Variants in UNC79 observed in about 807,000 individuals in gnomAD.
UNC79 encodes protein unc-79 homolog.
Under a neutral mutation model 283.1 loss-of-function variants are expected in UNC79, and 37 were observed. The ratio of observed to expected loss-of-function variants is 0.13; its 90% confidence interval spans 0.10 to 0.17. The LOEUF (loss-of-function observed/expected upper bound fraction) is 0.17. Ranked by LOEUF, UNC79 falls within the 10% of genes least tolerant of loss-of-function variation. UNC79 has a pLI of 1.00. For synonymous variants in UNC79, 1,107 were observed against 1,200.2 expected (o/e 0.92, Z 1.61); for missense variants, 2,272 against 3,211.1 (o/e 0.71, Z 7.07).
chr14:93,639,158 A>C (rs1231050518), intron 32 of UNC79, among the ~76,000 whole-genome samples: 1 of 152,218 alleles, frequency 6.6e-6, no homozygotes, highest in Non-Finnish European at 1.5e-5. Flanking sequence ...GTAATTGGCA[A>C]TAATCTTCTG....
At chr14:93,360,539 C>CT (rs2054199476) in intron 1 of UNC79, among the ~76,000 whole-genome samples, 1 of 152,248 alleles carries the variant, frequency 6.6e-6, no homozygotes, top group Non-Finnish European at 1.5e-5. Flanking sequence ...CAGCCATTGA[C>CT]TTGGCAAATG....
At chr14:93,413,241 C>T (rs56075725) in intron 1 of UNC79, among the ~76,000 whole-genome samples, 1,999 of 146,334 alleles carry the variant, frequency 0.014, 49 homozygotes, top group African/African-American at 0.047. Context: ...GTGTTCTCAT[C>T]GTTCAATTCC....
At chr14:93,534,925 C>T (rs757135706) in intron 11 of UNC79, among the ~76,000 whole-genome samples, 1 of 152,144 alleles carries the variant, frequency 6.6e-6, no homozygotes, top group Admixed American at 6.5e-5. Context: ...GGAGAATTTC[C>T]ATTAAGTTCA....
Position 93,601,865 on chromosome 14 carries a change from A to AT in UNC79, c.3574+1101dup, listed in dbSNP as rs1342168983. ...TCCCTGATAATTAGTGATGTTGAGC[A>AT]TTTTTTCATATGTTTGTTGGCCGTT... On this transcript the variant is annotated intron_variant, in intron 25 of 48. Coordinates refer to ENST00000555664, the Ensembl canonical transcript of UNC79. Among the ~76,000 whole-genome samples, 7 of 152,028 alleles carry AT rather than the reference A, an allele frequency of 4.6e-5. No individual in the cohort carries two copies. In the East Asian group the frequency reaches 1.4e-3, roughly 29 times the overall value.
chr14:93,642,401 G>A (rs926251793), intron 33 of UNC79, among the ~76,000 whole-genome samples: 1 of 148,534 alleles, frequency 6.7e-6, no homozygotes, highest in African/African-American at 2.5e-5. Flanking sequence ...CTCCAGCCTG[G>A]GTGACAGAGC....
intron 1 of UNC79, among the ~76,000 whole-genome samples, chr14:93,362,124 A>C (rs553526386): frequency 6.6e-6 from 1 of 152,312 alleles, no homozygotes; most frequent in South Asian, 2.1e-4. Context: ...ATCTCTGTTC[A>C]TCAGGCATAT....
At chr14:93,628,152 C>T (rs181101810) in intron 30 of UNC79, among the ~76,000 whole-genome samples, 5 of 152,264 alleles carry the variant, frequency 3.3e-5, no homozygotes, top group Admixed American at 1.3e-4. Flanking sequence ...TCCAGTGACT[C>T]GCTATTTCTT....
At chr14:93,670,164 ACCAAAGACTT>A (rs2072684598) in intron 40 of UNC79, among the ~76,000 whole-genome samples, 1 of 152,158 alleles carries the variant, frequency 6.6e-6, no homozygotes, top group African/African-American at 2.4e-5. Context: ...AGTTATCAAG[ACCAAAGACTT>A]CTGTGATCAA....
At chr14:93,459,664 G>A (rs1019130031) in intron 1 of UNC79, among the ~76,000 whole-genome samples, 4 of 90,842 alleles carry the variant, frequency 4.4e-5, no homozygotes, top group South Asian at 3.6e-4. Context: ...TTGAACTTTG[G>A]TTTATTCAAC....
At chr14:93,686,915 C>T (rs997533095) in intron 43 of UNC79, among the ~76,000 whole-genome samples, 3 of 152,164 alleles carry the variant, frequency 2.0e-5, no homozygotes, top group Non-Finnish European at 4.4e-5. Flanking sequence ...CTCACAATAC[C>T]TCTGTTAAGA....
At chr14:93,378,833 A>G (rs1332776627) in intron 1 of UNC79, among the ~76,000 whole-genome samples, 2 of 152,226 alleles carry the variant, frequency 1.3e-5, no homozygotes, top group Non-Finnish European at 2.9e-5. Flanking sequence ...GGTTGCCAGA[A>G]TTATGTCTCT....
intron 38 of UNC79, 118 bp downstream of exon 41, chr14:93,655,525 C>A: frequency 1.6e-6 from 2 of 1,242,138 alleles, no homozygotes. Flanking sequence ...GAGGAAACTC[C>A]GTCAGCCATG....
At chr14:93,419,128 G>A (rs918498153) in intron 1 of UNC79, among the ~76,000 whole-genome samples, 11 of 150,814 alleles carry the variant, frequency 7.3e-5, no homozygotes, top group Admixed American at 1.3e-4. Context: ...GCTGGGAGCT[G>A]TAGACCGGAG....
chr14:93,561,576 T>C (rs1244937327), intron 14 of UNC79, among the ~76,000 whole-genome samples: 1 of 151,828 alleles, frequency 6.6e-6, no homozygotes, highest in Non-Finnish European at 1.5e-5. Flanking sequence ...GGATTAGAAA[T>C]GGCTAGGAGA....
intron 1 of UNC79, among the ~76,000 whole-genome samples, chr14:93,338,870 C>G (rs1293609794): frequency 2.0e-5 from 3 of 152,156 alleles, no homozygotes; most frequent in Non-Finnish European, 2.9e-5. Context: ...GATCACACCA[C>G]TGCACTCCAG....
intron 1 of UNC79, among the ~76,000 whole-genome samples, chr14:93,393,188 T>A (rs2054918995): frequency 6.6e-6 from 1 of 152,178 alleles, no homozygotes; most frequent in African/African-American, 2.4e-5. Flanking sequence ...ACTTACACAA[T>A]AACAGCAATA....
chr14:93,684,842 A>G (rs997835120), intron 42 of UNC79, among the ~76,000 whole-genome samples: 2 of 152,202 alleles, frequency 1.3e-5, no homozygotes, highest in Admixed American at 6.5e-5. Flanking sequence ...GTTTGCTTCA[A>G]TTTGTGAGTT....
At chr14:93,520,348 G>A (rs2060265643) in intron 7 of UNC79, among the ~76,000 whole-genome samples, 1 of 151,266 alleles carries the variant, frequency 6.6e-6, no homozygotes, top group African/African-American at 2.4e-5. Context: ...CTTCTTATTG[G>A]TTTTCATCAA....
intron 1 of UNC79, among the ~76,000 whole-genome samples, chr14:93,461,119 A>C (rs184944689): frequency 6.6e-6 from 1 of 152,216 alleles, no homozygotes; most frequent in African/African-American, 2.4e-5. Context: ...TTCTAGAAGG[A>C]TAACATGCCA....
Sources: allele counts gnomAD v4.1 joint callset (sites outside exome capture counted in the v4.1 genomes callset), GRCh38; gene constraint gnomAD v4.1.1; transcripts MANE v1.5; gene names NCBI Gene and HGNC (gene_info 2026-07-23, HGNC 2026-07-21).